The following UBR1 variants were observed in gnomAD, a reference collection of about 807,000 sequenced individuals.
UBR1 encodes ubiquitin protein ligase E3 component n-recognin 1.
Under a neutral mutation model 242.1 loss-of-function variants are expected in UBR1, and 102 were observed. The ratio of observed to expected loss-of-function variants is 0.42; its 90% CI spans 0.36 to 0.50. The LOEUF is 0.50. UBR1 is among the 20% of genes least tolerant of loss of function. The pLI is 0.01. For synonymous variants in UBR1, 675 were observed against 684.8 expected (o/e 0.99, Z 0.22); for missense variants, 1,772 against 2,101.8 (o/e 0.84, Z 3.07).
intron 2 of UBR1, among the ~76,000 whole-genome samples, chr15:43,084,408 T>C (rs1371295699): frequency 6.6e-6 from 1 of 152,228 alleles, no homozygotes; most frequent in Non-Finnish European, 1.5e-5. Context: ...AGAATATAAA[T>C]GACCCTTACT....
intron 43 of UBR1, among the ~76,000 whole-genome samples, chr15:42,959,017 G>A (rs1213671946): frequency 6.6e-6 from 1 of 151,734 alleles, no homozygotes; most frequent in Non-Finnish European, 1.5e-5. Flanking sequence ...TTTTACTAGA[G>A]ACGGGGTTTC....
rs114753153 is a variant in UBR1, at chr15:42,957,959, C to T, written c.4835+54G>A. ...TGTTAGTTATGGCATATACCAATTG[C>T]GAGTTCAGAAAATGATTTAAAATTA... On this transcript the variant is annotated intron_variant, in intron 44 of 46. Transcript: ENST00000290650. 2,650 of 1,456,092 alleles carry T rather than the reference C, an allele frequency of 1.8e-3. 50 individuals are homozygous for T. In the African/African-American group the frequency reaches 0.034, roughly 18 times the overall value. 90.2% of individuals were successfully genotyped at this position (1,456,092 alleles called of 1,614,324 possible). A position where few individuals can be genotyped will look rare whatever the true frequency, so the allele number is the denominator to read the frequency against.
At chr15:43,032,855 A>G (rs1396440009) in intron 19 of UBR1, among the ~76,000 whole-genome samples, 1 of 152,166 alleles carries the variant, frequency 6.6e-6, no homozygotes. Flanking sequence ...CATCATTTTC[A>G]TTATCATTAT....
intron 46 of UBR1, among the ~76,000 whole-genome samples, chr15:42,947,068 T>C (rs901362425): frequency 6.6e-6 from 1 of 152,106 alleles, no homozygotes; most frequent in Non-Finnish European, 1.5e-5. Context: ...GGAGAATCGC[T>C]TGAACCCTGG....
chr15:42,977,783 A>G (rs1024406508), intron 38 of UBR1, 97 bp downstream of exon 38: 9 of 1,125,598 alleles, frequency 8.0e-6, no homozygotes, highest in Admixed American at 3.6e-5. Context: ...TTAAACACAA[A>G]GAATTTATAA....
chr15:43,034,035 C>T (rs1334377106), intron 19 of UBR1, among the ~76,000 whole-genome samples: 1 of 152,004 alleles, frequency 6.6e-6, no homozygotes, highest in Non-Finnish European at 1.5e-5. Context: ...GTCAGGAGTT[C>T]GAAATCAGCC....
In UBR1 at chr15:42,975,420, C is replaced by A. The variant is rs190150196; in HGVS notation, c.4369+1297G>T. Among the ~76,000 whole-genome samples the A allele has an allele frequency of 2.0e-4, 29 of 144,714 alleles. No homozygotes were observed. In the East Asian group the frequency reaches 5.2e-3, roughly 26 times the overall value. 94.9% of individuals were successfully genotyped at this position (144,714 alleles called of 152,430 possible). A position where few individuals can be genotyped will look rare whatever the true frequency, so the allele number is the denominator to read the frequency against. On this transcript the variant is annotated intron_variant, in intron 39 of 46. Transcript: ENST00000290650. ...ATAGGTTATTCAAAGAATCTCCCAT[C>A]GATGGACAGCTAAATTGTTTCTGTT...
chr15:43,093,790 C>CA (rs35967267), intron 1 of UBR1, among the ~76,000 whole-genome samples: 4,975 of 50,126 alleles, frequency 0.099, 113 homozygotes, highest in East Asian at 0.12. Context: ...GCTCCGTCTC[C>CA]AAAAAAAAAA....
intron 38 of UBR1, 106 bp from the exon 39 acceptor site, chr15:42,976,973 G>A (rs1387834754): frequency 7.9e-7 from 1 of 1,261,130 alleles, no homozygotes; most frequent in Non-Finnish European, 1.1e-6. Flanking sequence ...GTGTTTGTGT[G>A]TGTGTTTTTT....
At chr15:42,953,861 G>A (rs893448745) in intron 44 of UBR1, among the ~76,000 whole-genome samples, 2 of 151,718 alleles carry the variant, frequency 1.3e-5, no homozygotes, top group African/African-American at 4.8e-5. Flanking sequence ...GATCCTCCGA[G>A]GAGCCAACAA....
At chr15:43,036,366 T>G (rs950737136) in intron 18 of UBR1, 87 bp from the exon 19 acceptor site, 1 of 1,338,590 alleles carries the variant, frequency 7.5e-7, no homozygotes, top group East Asian at 2.3e-5. Flanking sequence ...ATTAAAAAGT[T>G]TGCAGAAGAT....
intron 12 of UBR1, among the ~76,000 whole-genome samples, chr15:43,050,448 G>A (rs748159508): frequency 3.9e-5 from 6 of 152,100 alleles, no homozygotes; most frequent in Non-Finnish European, 7.4e-5. Flanking sequence ...AGTGGCTCAC[G>A]CCTGTAATCC....
rs375113818 is a variant in UBR1, at chr15:43,078,039, G to C, written c.418-2950C>G. On this transcript the variant is annotated intron_variant, in intron 3 of 46. Transcript: ENST00000290650. ...CCATTGCCTATCCCTTCAAGCCTGT[G>C]GGTGCAGATAGCAAGAGAAGGGAGC... is the stretch of plus-strand genomic sequence containing the variant. 1.6e-4 allele frequency among the ~76,000 whole-genome samples: 25 copies of C among 152,290 alleles called. 2 individuals carry two copies. The South Asian group carries it at 5.2e-3, about 32-fold the overall frequency.
intron 3 of UBR1, among the ~76,000 whole-genome samples, chr15:43,077,041 C>A (rs1199398458): frequency 4.3e-5 from 4 of 93,912 alleles, no homozygotes; most frequent in African/African-American, 1.5e-4. Flanking sequence ...GGGGTCAGCC[C>A]CCCGCCCGGC....
At chr15:42,992,566 G>C (rs2032572871) in intron 33 of UBR1, among the ~76,000 whole-genome samples, 1 of 152,200 alleles carries the variant, frequency 6.6e-6, no homozygotes, top group African/African-American at 2.4e-5. Context: ...CCTGGGACTT[G>C]AGTGATGGTT....
At chr15:43,013,650 T>C (rs1345952469) in intron 29 of UBR1, among the ~76,000 whole-genome samples, 4 of 152,244 alleles carry the variant, frequency 2.6e-5, no homozygotes, top group African/African-American at 9.6e-5. Flanking sequence ...TTGGTTATCT[T>C]TTTGTGCATA....
At chr15:43,052,920 C>CT (rs1376202535) in intron 12 of UBR1, among the ~76,000 whole-genome samples, 1 of 152,174 alleles carries the variant, frequency 6.6e-6, no homozygotes, top group African/African-American at 2.4e-5. Flanking sequence ...AGTTCTGCCA[C>CT]TTACTAGGTT....
intron 29 of UBR1, among the ~76,000 whole-genome samples, chr15:43,008,265 G>A (rs906528462): frequency 4.6e-5 from 7 of 152,226 alleles, no homozygotes; most frequent in African/African-American, 9.6e-5. Flanking sequence ...CCGTGCTCCC[G>A]GGCACAGCTG....
chr15:43,070,079 T>G (rs2033806113), intron 5 of UBR1, among the ~76,000 whole-genome samples: 2 of 152,002 alleles, frequency 1.3e-5, no homozygotes, highest in Non-Finnish European at 2.9e-5. Flanking sequence ...TATTTAGATT[T>G]GGGCTGCAAT....
Sources: gnomAD v4.1 joint callset for allele counts (sites outside exome capture counted in the v4.1 genomes callset) on GRCh38, gnomAD v4.1.1 for gene constraint, MANE v1.5 for transcripts, NCBI Gene and HGNC (gene_info 2026-07-23, HGNC 2026-07-21) for gene names.